The following MICU1 variants were observed in gnomAD, a reference collection of about 807,000 sequenced individuals.
The protein encoded by MICU1 is mitochondrial calcium uptake 1, also known as calcium uptake protein 1, mitochondrial.
Under a neutral mutation model 56.8 loss-of-function variants are expected in MICU1, and 45 were observed. That is an observed-to-expected ratio of 0.79 (90% CI 0.62 to 1.02). The LOEUF (loss-of-function observed/expected upper bound fraction) is 1.02, where lower values mean the gene tolerates loss of function less well. Ranked by LOEUF, MICU1 falls within the 50% of genes least tolerant of loss-of-function variation. The pLI is 0.00. For missense variants in MICU1, 504 were observed against 587.1 expected, an observed-to-expected ratio of 0.86 and a Z score of 1.46; for synonymous variants, 186 against 195.1, an observed-to-expected ratio of 0.95 and a Z score of 0.39.
chr10:72,607,257 C>T (rs1841714986), intron 1 of MICU1, among the ~76,000 whole-genome samples: 1 of 151,480 alleles, frequency 6.6e-6, no homozygotes, highest in African/African-American at 2.4e-5. Context: ...ATGAGAATAG[C>T]TTGAACCCGG....
chr10:72,585,088 T>G (rs1447476670), intron 1 of MICU1, among the ~76,000 whole-genome samples: 6 of 150,286 alleles, frequency 4.0e-5, no homozygotes, highest in Admixed American at 4.0e-4. Context: ...TTAGGTTTTT[T>G]TTTTTGTTTT....
At chr10:72,554,566 A>G (rs1039165153) in intron 3 of MICU1, among the ~76,000 whole-genome samples, 26 of 152,266 alleles carry the variant, frequency 1.7e-4, no homozygotes, top group African/African-American at 5.8e-4. Context: ...CTTTAAAGAT[A>G]TATCACCAAA....
At chr10:72,598,763 A>T (rs1163305966) in intron 1 of MICU1, among the ~76,000 whole-genome samples, 1 of 152,200 alleles carries the variant, frequency 6.6e-6, no homozygotes, top group Non-Finnish European at 1.5e-5. Flanking sequence ...AAATATTAAA[A>T]TAATACTACC....
chr10:72,470,272 T>G (rs905681891), intron 8 of MICU1, among the ~76,000 whole-genome samples: 2 of 152,126 alleles, frequency 1.3e-5, no homozygotes, highest in African/African-American at 4.8e-5. Flanking sequence ...GAAGGACAAA[T>G]GTAGTTGGGA....
At chr10:72,479,413 T>A (rs1037749916) in intron 6 of MICU1, among the ~76,000 whole-genome samples, 2 of 152,180 alleles carry the variant, frequency 1.3e-5, no homozygotes, top group African/African-American at 4.8e-5. Flanking sequence ...AAGTTGATCA[T>A]CTCAAGGAGA....
At chr10:72,470,148 G>A (rs1015097351) in intron 8 of MICU1, among the ~76,000 whole-genome samples, 1 of 152,154 alleles carries the variant, frequency 6.6e-6, no homozygotes, top group Non-Finnish European at 1.5e-5. Flanking sequence ...GGCTCTGAGA[G>A]AATAACTAAC....
chr10:72,524,790 A>G (rs1867918975), intron 5 of MICU1: 15 of 1,189,502 alleles, frequency 1.3e-5, no homozygotes, highest in Non-Finnish European at 1.6e-5. Flanking sequence ...ACATTGTTTG[A>G]TTATATGAAC....
chr10:72,555,796 A>G (rs576011324), intron 3 of MICU1, among the ~76,000 whole-genome samples: 3 of 152,364 alleles, frequency 2.0e-5, no homozygotes, highest in African/African-American at 7.2e-5. Flanking sequence ...TCAAAGGCCT[A>G]TATTTAATTG....
chr10:72,549,625 T>C (rs760928447), intron 4 of MICU1, among the ~76,000 whole-genome samples: 4 of 152,112 alleles, frequency 2.6e-5, no homozygotes, highest in Non-Finnish European at 5.9e-5. Context: ...TCTTCCTATA[T>C]ACTCTCTAAA....
chr10:72,396,462 C>T (rs939614800), intron 10 of MICU1, among the ~76,000 whole-genome samples: 1 of 152,194 alleles, frequency 6.6e-6, no homozygotes, highest in African/African-American at 2.4e-5. Context: ...AAGTAGGCTT[C>T]AGAAGGTCAG....
chr10:72,589,137 A>G (rs187165378), intron 1 of MICU1, among the ~76,000 whole-genome samples: 1 of 152,148 alleles, frequency 6.6e-6, no homozygotes, highest in Non-Finnish European at 1.5e-5. Context: ...AAAATACAAA[A>G]AATTAGCTGG....
intron 1 of MICU1, among the ~76,000 whole-genome samples, chr10:72,595,971 A>T (rs901483520): frequency 1.1e-5 from 1 of 89,456 alleles, no homozygotes; most frequent in African/African-American, 4.4e-5. Context: ...TCTCCACAAT[A>T]AAAAAATTTT....
At chr10:72,541,443 T>C (rs1367562075) in intron 4 of MICU1, among the ~76,000 whole-genome samples, 1 of 152,162 alleles carries the variant, frequency 6.6e-6, no homozygotes, top group Non-Finnish European at 1.5e-5. Flanking sequence ...AGATTGATCT[T>C]TTGAGATATT....
intron 6 of MICU1, among the ~76,000 whole-genome samples, chr10:72,506,184 G>C (rs138109296): frequency 1.2e-4 from 19 of 152,206 alleles, no homozygotes; most frequent in African/African-American, 4.3e-4. Flanking sequence ...CTACTTGGAG[G>C]GGTTTCTAGA....
At chr10:72,531,491 G>C (rs879575637) in intron 5 of MICU1, 1 of 152,020 alleles carries the variant, frequency 6.6e-6, no homozygotes, top group Non-Finnish European at 1.5e-5. Flanking sequence ...AAGCCAAGGC[G>C]GGCGGATCAT....
At chr10:72,447,283 C>G (rs1229520247) in intron 8 of MICU1, among the ~76,000 whole-genome samples, 1 of 152,004 alleles carries the variant, frequency 6.6e-6, no homozygotes, top group Non-Finnish European at 1.5e-5. Flanking sequence ...TCATAATAAC[C>G]TTTGAAGTAG....
chr10:72,475,411 T>A, intron 7 of MICU1, 114 bp from the exon 8 acceptor site: 1 of 1,015,418 alleles, frequency 9.8e-7, no homozygotes, highest in East Asian at 2.6e-5. Context: ...GTATTATAAT[T>A]ATCTCTTTTA....
Position 72,566,800 on chromosome 10 carries a change from G to A in MICU1, c.-1-6C>T, listed in dbSNP as rs933991461. 1.9e-6 allele frequency: 3 copies of A among 1,604,138 alleles called. No homozygotes were observed. On this transcript the variant is annotated splice_region_variant and splice_polypyrimidine_tract_variant and intron_variant, in intron 1 of 11. Transcript: ENST00000361114. ...GTGAGTTCAGACGAAACATCCTGTG[G>A]ACAATAAGTAGAAATGTCACTCTTA... is the stretch of plus-strand genomic sequence containing the variant.
At chr10:72,409,582 T>G (rs1340420220) in intron 9 of MICU1, among the ~76,000 whole-genome samples, 1 of 152,116 alleles carries the variant, frequency 6.6e-6, no homozygotes, top group Non-Finnish European at 1.5e-5. Flanking sequence ...TACCAGCTAT[T>G]TGGGAGGCTG....
Sources: allele counts gnomAD v4.1 joint callset (sites outside exome capture counted in the v4.1 genomes callset), GRCh38; gene constraint gnomAD v4.1.1; transcripts MANE v1.5; gene names NCBI Gene and HGNC (gene_info 2026-07-23, HGNC 2026-07-21).